SPIRE1: variants seen among roughly 807,000 people sequenced by gnomAD.
SPIRE1 encodes spire type actin nucleation factor 1, also known as protein spire homolog 1.
SPIRE1 carries 40 observed loss-of-function variants against 94.1 expected under a neutral mutation model. That is an observed-to-expected ratio of 0.43 (90% CI 0.33 to 0.55). SPIRE1 has a LOEUF of 0.55. Ranked by LOEUF, SPIRE1 falls within the 20% of genes least tolerant of loss-of-function variation. The pLI, the probability that SPIRE1 is intolerant of heterozygous loss-of-function variation, is 0.06. For missense variants in SPIRE1, 838 were observed against 975.2 expected (o/e 0.86, Z 1.87); for synonymous variants, 376 against 371.7 (o/e 1.01, Z -0.13).
chr18:12,506,160 T>C lies in SPIRE1; in HGVS notation c.972+317A>G, dbSNP rs1598420470. On this transcript the variant is annotated intron_variant, in intron 6 of 16. Coordinates refer to ENST00000409402, the MANE Select transcript of SPIRE1 (RefSeq NM_001128626.2). ...AACCATTTGAGTCCATTAATAGTTT[T>C]TTGTTTTTCTTTTTTGAGATAGGGT... 2.0e-5 allele frequency among the ~76,000 whole-genome samples: 3 copies of C among 152,282 alleles called. No homozygotes were observed. The East Asian group carries it at 5.8e-4, about 29-fold the overall frequency.
At chr18:12,534,249 T>C (rs1466542143) in intron 4 of SPIRE1, among the ~76,000 whole-genome samples, 2 of 152,182 alleles carry the variant, frequency 1.3e-5, no homozygotes, top group Non-Finnish European at 2.9e-5. Context: ...GTACACCTTA[T>C]TGGGCAAATA....
intron 2 of SPIRE1, among the ~76,000 whole-genome samples, chr18:12,553,892 AAAC>A (rs976020452): frequency 1.3e-4 from 20 of 152,338 alleles, no homozygotes; most frequent in African/African-American, 2.4e-4. Flanking sequence ...AAAATCAACA[AAAC>A]AACAAGTTGA....
At chr18:12,625,525 G>C (rs1256272505) in intron 2 of SPIRE1, among the ~76,000 whole-genome samples, 1 of 152,170 alleles carries the variant, frequency 6.6e-6, no homozygotes. Context: ...TGCTAAAAGA[G>C]TAGATTCAAT....
intron 1 of SPIRE1, among the ~76,000 whole-genome samples, chr18:12,640,934 G>C (rs1013633320): frequency 1.6e-4 from 24 of 152,144 alleles, no homozygotes; most frequent in African/African-American, 5.8e-4. Flanking sequence ...TTCCAGGTCA[G>C]TCTTGCTATA....
intron 2 of SPIRE1, among the ~76,000 whole-genome samples, chr18:12,549,119 T>C (rs990404141): frequency 1.3e-5 from 2 of 152,212 alleles, no homozygotes; most frequent in Admixed American, 6.5e-5. Flanking sequence ...AGGCAGGTGC[T>C]GCTTAGGGCA....
At chr18:12,661,296 G>A (rs1021730067), upstream of SPIRE1, 1 of 839,862 alleles carries the variant, frequency 1.2e-6, no homozygotes, top group African/African-American at 1.8e-5. Context: ...TGACAAGAGT[G>A]AGCCTTCATC....
intron 4 of SPIRE1, among the ~76,000 whole-genome samples, chr18:12,534,426 T>C (rs2034779803): frequency 6.6e-6 from 1 of 152,198 alleles, no homozygotes; most frequent in African/African-American, 2.4e-5. Flanking sequence ...AATTAAAGAA[T>C]ACCTAGAGAA....
intron 16 of SPIRE1, chr18:12,451,064 G>T: frequency 1.0e-5 from 4 of 384,706 alleles, no homozygotes; most frequent in Non-Finnish European, 9.4e-6. Flanking sequence ...ATAAGAGACT[G>T]TCCATTTGAA....
rs745380777 is a variant in SPIRE1, at chr18:12,479,770, G to A, written c.1333C>T (p.Gln445Ter). 1 of 1,614,120 alleles carries A rather than the reference G, an allele frequency of 6.2e-7. No homozygotes were observed. Among genetic ancestry groups the A allele is most frequent in the South Asian group, 1.1e-5 (1 of 91,078 alleles). ...TKENGLSTSQQVPAQRKKLLR... is the reference protein window; with the variant it reads ...TKENGLSTSQ The stretch of plus-strand genomic sequence containing the variant: ...AGCTTCTTCCGCTGTGCAGGCACCT[G>A]CTGTGAGGTACTTAACCCGTTTTCT... The change falls in exon 10 of 17, where the codon CAG (glutamine) becomes TAG (stop). Residue 445 changes from glutamine (Q) to a stop codon, truncating the protein, a stop_gained. Transcript: ENST00000409402. LOFTEE classifies it high-confidence loss of function.
chr18:12,611,463 C>G (rs1327580266), intron 2 of SPIRE1, among the ~76,000 whole-genome samples: 1 of 152,230 alleles, frequency 6.6e-6, no homozygotes, highest in Admixed American at 6.5e-5. Context: ...CTCCTGCCAA[C>G]AGCCAGATGA....
At chr18:12,595,730 G>C (rs1483478374) in intron 2 of SPIRE1, among the ~76,000 whole-genome samples, 1 of 152,176 alleles carries the variant, frequency 6.6e-6, no homozygotes, top group Non-Finnish European at 1.5e-5. Flanking sequence ...ACAGCCAAGT[G>C]GAATAGACAA....
intron 5 of SPIRE1, 39 bp downstream of exon 5, chr18:12,512,415 T>C: frequency 1.4e-6 from 2 of 1,438,280 alleles, no homozygotes; most frequent in Non-Finnish European, 1.9e-6. Context: ...TACTATTTCT[T>C]AGACAGTAAA....
intron 10 of SPIRE1, among the ~76,000 whole-genome samples, chr18:12,471,455 C>T (rs34512782): frequency 0.11 from 15,967 of 150,784 alleles, 1,215 homozygotes; most frequent in Middle Eastern, 0.22. Context: ...TCCCAAATAG[C>T]TGGGATTACA....
intron 1 of SPIRE1, among the ~76,000 whole-genome samples, chr18:12,636,077 G>A (rs539098244): frequency 3.3e-5 from 5 of 151,940 alleles, no homozygotes; most frequent in Non-Finnish European, 7.4e-5. Flanking sequence ...ATTTTTAGTA[G>A]AGATGGGGTT....
chr18:12,650,448 C>T (rs1333990144), intron 1 of SPIRE1, among the ~76,000 whole-genome samples: 3 of 151,928 alleles, frequency 2.0e-5, no homozygotes, highest in Admixed American at 1.3e-4. Context: ...TGGTGGCTCA[C>T]ATCTATAATC....
At chr18:12,535,970 A>G (rs1298383276) in intron 3 of SPIRE1, among the ~76,000 whole-genome samples, 1 of 151,826 alleles carries the variant, frequency 6.6e-6, no homozygotes, top group African/African-American at 2.4e-5. Flanking sequence ...AACAATAAAA[A>G]CCAAAAAAAC....
At chr18:12,494,646 G>A (rs1409149425) in intron 7 of SPIRE1, among the ~76,000 whole-genome samples, 13 of 150,876 alleles carry the variant, frequency 8.6e-5, no homozygotes, top group Admixed American at 4.6e-4. Context: ...TGGCTAACAC[G>A]GTGAAACCCC....
chr18:12,542,953 A>AG (rs1486915872), intron 3 of SPIRE1, among the ~76,000 whole-genome samples: 4 of 152,058 alleles, frequency 2.6e-5, no homozygotes, highest in African/African-American at 9.7e-5. Context: ...TAGCCTCACA[A>AG]GTAGCTGGGA....
chr18:12,649,045 A>C (rs2038303521), intron 1 of SPIRE1, among the ~76,000 whole-genome samples: 1 of 152,076 alleles, frequency 6.6e-6, no homozygotes, highest in Non-Finnish European at 1.5e-5. Context: ...CATTTAGGGG[A>C]ACTGGGTGAG....
Sources: allele counts gnomAD v4.1 joint callset (sites outside exome capture counted in the v4.1 genomes callset), GRCh38; gene constraint gnomAD v4.1.1; transcripts MANE v1.5; gene names NCBI Gene and HGNC (gene_info 2026-07-23, HGNC 2026-07-21).